SCOC: variants seen among roughly 807,000 people sequenced by gnomAD.
SCOC encodes short coiled-coil protein.
A neutral mutation model predicts 9.9 loss-of-function variants in SCOC; 7 were observed. The ratio of observed to expected loss-of-function variants is 0.71; its 90% CI spans 0.40 to 1.33. The LOEUF (loss-of-function observed/expected upper bound fraction) is 1.33, where lower values mean the gene tolerates loss of function less well. Ranked by LOEUF, SCOC falls within the 40% of genes most tolerant of loss-of-function variation. The pLI is 0.01. For synonymous variants in SCOC, 19 were observed against 28.2 expected (o/e 0.67, Z 1.03); for missense variants, 66 against 89.7 (o/e 0.74, Z 1.07).
chr4:140,340,783 C>CTTTTTTTTT (rs36136647), upstream of SCOC, among the ~76,000 whole-genome samples: 104 of 40,446 alleles, frequency 2.6e-3, 28 homozygotes, highest in African/African-American at 9.3e-3. Context: ...TGCTGCCTAA[C>CTTTTTTTTT]TTTTTTTTTT....
chr4:140,290,117 T>C (rs1731427519), intron 1 of SCOC, among the ~76,000 whole-genome samples: 1 of 152,236 alleles, frequency 6.6e-6, no homozygotes, highest in South Asian at 2.1e-4. Context: ...TTTTTTTGCA[T>C]TGCTGTATAG....
chr4:140,350,509 CTTCT>C (rs1726931105), intron 2 of SCOC, among the ~76,000 whole-genome samples: 1 of 152,226 alleles, frequency 6.6e-6, no homozygotes, highest in Non-Finnish European at 1.5e-5. Flanking sequence ...TCTATTGTCT[CTTCT>C]TTCTATCCAC....
At chr4:140,377,528 TTAA>T (rs1299009628) in intron 1 of SCOC, among the ~76,000 whole-genome samples, 2 of 152,214 alleles carry the variant, frequency 1.3e-5, no homozygotes, top group South Asian at 2.1e-4. Context: ...AGTTAATTAT[TTAA>T]TAATGTTATA....
chr4:140,379,805 T>C (rs918656279), intron 3 of SCOC, among the ~76,000 whole-genome samples, 153 bp downstream of exon 3: 2 of 152,238 alleles, frequency 1.3e-5, no homozygotes, highest in African/African-American at 4.8e-5. Context: ...CCTGCTTTGG[T>C]AGTTTAAAGA....
chr4:140,258,570 C>T (rs1401439205), intron 1 of SCOC, among the ~76,000 whole-genome samples: 5 of 152,198 alleles, frequency 3.3e-5, no homozygotes, highest in Non-Finnish European at 4.4e-5. Flanking sequence ...ATCTCTCTCT[C>T]CTCTGACCTC....
At chr4:140,291,405 T>TAC (rs766304917) in intron 1 of SCOC, 60 of 456,990 alleles carry the variant, frequency 1.3e-4, no homozygotes, top group African/African-American at 1.2e-3. Context: ...GCAGGGCATG[T>TAC]GTCTTCCCAA....
chr4:140,374,346 C>T (rs1286141772), intron 1 of SCOC: 1 of 352,370 alleles, frequency 2.8e-6, no homozygotes, highest in Non-Finnish European at 5.6e-6. Flanking sequence ...GTGTGTCAAC[C>T]TCACACTATT....
At chr4:140,359,644 A>T (rs534388556) in intron 2 of SCOC, among the ~76,000 whole-genome samples, 1 of 152,268 alleles carries the variant, frequency 6.6e-6, no homozygotes, top group South Asian at 2.1e-4. Context: ...CTAAATTTAC[A>T]TCCTTCCAAA....
chr4:140,312,715 T>C (rs1397038925), intron 1 of SCOC, among the ~76,000 whole-genome samples: 2 of 152,226 alleles, frequency 1.3e-5, no homozygotes, highest in African/African-American at 4.8e-5. Context: ...ATTACAGGCA[T>C]GAGCCATAGT....
chr4:140,361,614 G>A (rs1459788448), intron 2 of SCOC, among the ~76,000 whole-genome samples: 88 of 152,134 alleles, frequency 5.8e-4, no homozygotes, highest in Non-Finnish European at 2.6e-4. Context: ...AGCCATGACT[G>A]TGCCACTGCA....
chr4:140,343,795 A>T, intron 2 of SCOC: 1 of 878,644 alleles, frequency 1.1e-6, no homozygotes, highest in South Asian at 1.7e-5. Flanking sequence ...TTTCAGTATA[A>T]TGATAAAGCA....
chr4:140,358,696 T>C (rs1727336727), intron 2 of SCOC, among the ~76,000 whole-genome samples: 1 of 152,216 alleles, frequency 6.6e-6, no homozygotes, highest in South Asian at 2.1e-4. Context: ...GTCACTCAAA[T>C]CCTTTTCTGT....
intron 2 of SCOC, among the ~76,000 whole-genome samples, chr4:140,350,532 G>GT (rs1212495901): frequency 1.4e-4 from 21 of 152,122 alleles, no homozygotes; most frequent in African/African-American, 5.1e-4. Context: ...ACACTTCTGG[G>GT]TAAGTTTAGT....
rs4956333 is a variant in SCOC, at chr4:140,314,866, C to A, written c.-18-28755C>A. ...CGAACAGCTGTGAACTCCACCCCCCCACCAAGTTCTCCACAAGGTGTGGTT... is the reference window on the plus strand; with the variant it reads ...CGAACAGCTGTGAACTCCACCCCCCAACCAAGTTCTCCACAAGGTGTGGTT... On this transcript the variant is annotated intron_variant, in intron 1 of 4. Coordinates refer to the SCOC transcript ENST00000394205. Among the ~76,000 whole-genome samples, 25 of 151,972 alleles carry A rather than the reference C, an allele frequency of 1.6e-4. No individual in the cohort carries two copies. In the East Asian group the frequency reaches 3.3e-3, roughly 20 times the overall value.
At chr4:140,364,523 C>G (rs939996051) in intron 2 of SCOC, among the ~76,000 whole-genome samples, 7 of 152,050 alleles carry the variant, frequency 4.6e-5, no homozygotes, top group African/African-American at 9.7e-5. Flanking sequence ...AAGTGAGCAC[C>G]AGGATTTAAG....
In SCOC at chr4:140,277,905, C is replaced by G. The variant is rs111737493; in HGVS notation, c.-19+20495C>G. On this transcript the variant is annotated intron_variant, in intron 1 of 4. Transcript: ENST00000394205. Reference sequence around the variant, plus strand: ...GGAGAGGAAGAAGAAGAAGGTAAAACAAATGCAAAAATAAGAAAACAAAGG... The same window carrying G: ...GGAGAGGAAGAAGAAGAAGGTAAAAGAAATGCAAAAATAAGAAAACAAAGG... 3.0e-3 allele frequency among the ~76,000 whole-genome samples: 464 copies of G among 152,278 alleles called. 4 individuals carry two copies. The highest frequency in any genetic ancestry group is 0.014 in the Middle Eastern group (4 of 294).
At chr4:140,290,875 G>T (rs1422660008) in intron 1 of SCOC, among the ~76,000 whole-genome samples, 1 of 152,116 alleles carries the variant, frequency 6.6e-6, no homozygotes, top group South Asian at 2.1e-4. Flanking sequence ...CTGTATGCAT[G>T]GTCACTTGAT....
At position 140,323,403 on chromosome 4, in the gene SCOC, A is replaced by G. The variant is rs111461205; in HGVS notation, c.-18-20218A>G. Among the ~76,000 whole-genome samples, 724 of 152,346 alleles carry G rather than the reference A, an allele frequency of 4.8e-3. 5 individuals carry two copies. The highest frequency in any genetic ancestry group is 0.011 in the Admixed American group (168 of 15,296). ...AAATAATCTCTTTTCTTTAGAAATTACCCAGCCTCATGTATTCCTTTATAG... is the reference window on the plus strand; with the variant it reads ...AAATAATCTCTTTTCTTTAGAAATTGCCCAGCCTCATGTATTCCTTTATAG... On this transcript the variant is annotated intron_variant, in intron 1 of 4. Transcript: ENST00000394205.
At chr4:140,279,260 T>A (rs560357488) in intron 1 of SCOC, among the ~76,000 whole-genome samples, 83 of 152,334 alleles carry the variant, frequency 5.4e-4, no homozygotes, top group African/African-American at 1.9e-3. Context: ...CCAGGTCAGA[T>A]TTCTTTATGA....
Sources: gnomAD v4.1 joint callset for allele counts (sites outside exome capture counted in the v4.1 genomes callset) on GRCh38, gnomAD v4.1.1 for gene constraint, MANE v1.5 for transcripts, NCBI Gene and HGNC (gene_info 2026-07-23, HGNC 2026-07-21) for gene names.